Variants in PLEKHM3 observed in about 807,000 individuals in gnomAD.
The protein encoded by PLEKHM3 is pleckstrin homology domain-containing family M member 3.
PLEKHM3 carries 45 observed loss-of-function variants against 81.8 expected under a neutral mutation model. The ratio of observed to expected loss-of-function variants is 0.55; its 90% confidence interval spans 0.43 to 0.71. The LOEUF (loss-of-function observed/expected upper bound fraction) is 0.71, where lower values mean the gene tolerates loss of function less well. Ranked by LOEUF, PLEKHM3 falls within the 30% of genes least tolerant of loss-of-function variation. The probability of loss-of-function intolerance (pLI) is 0.00; values close to 1 mark genes in which losing one functional copy is unlikely to be tolerated. For missense variants in PLEKHM3, 788 were observed against 924.3 expected (o/e 0.85, Z 1.91); for synonymous variants, 352 against 356.4 (o/e 0.99, Z 0.14).
At chr2:207,874,073 CAT>C (rs1292339376) in intron 6 of PLEKHM3, among the ~76,000 whole-genome samples, 2 of 152,206 alleles carry the variant, frequency 1.3e-5, no homozygotes, top group African/African-American at 4.8e-5. Flanking sequence ...TACAATTTCA[CAT>C]GTCCTATATT....
chr2:207,945,200 C>A (rs1304288509), intron 4 of PLEKHM3, among the ~76,000 whole-genome samples: 1 of 152,198 alleles, frequency 6.6e-6, no homozygotes, highest in Non-Finnish European at 1.5e-5. Context: ...TTGTCAGACA[C>A]CCTGGGATCC....
intron 6 of PLEKHM3, among the ~76,000 whole-genome samples, chr2:207,868,282 T>A (rs1200548468): frequency 2.0e-5 from 3 of 152,168 alleles, no homozygotes; most frequent in African/African-American, 7.2e-5. Context: ...TTATTTTTTT[T>A]TTTTAAATCT....
chr2:208,021,368 T>C (rs1477847843), intron 1 of PLEKHM3, among the ~76,000 whole-genome samples: 1 of 152,272 alleles, frequency 6.6e-6, no homozygotes, highest in Non-Finnish European at 1.5e-5. Context: ...CTATTACTTC[T>C]ATATGACATT....
Position 207,977,042 on chromosome 2 carries a change from G to A in PLEKHM3, c.1155C>T (p.Ser385=). The change falls in exon 3 of 8, where the codon AGC becomes AGT. Residue 385 remains serine, a synonymous_variant. Transcript: ENST00000427836. The stretch of plus-strand genomic sequence containing the variant: ...GCTGAAAAGCCATAAGGTAAGCCCT[G>A]CTCAGCACAAATGTAAATGCCTTCC... The part of the protein sequence containing the change: ...NNWKAFTFVL[S]RAYLMAFQPG... 2.5e-6 allele frequency: 4 copies of A among 1,614,236 alleles called. No homozygotes were observed. The highest frequency in any genetic ancestry group is 3.4e-6 in the Non-Finnish European group (4 of 1,180,052).
chr2:207,847,318 G>A (rs981420346), intron 7 of PLEKHM3, among the ~76,000 whole-genome samples: 4 of 152,226 alleles, frequency 2.6e-5, no homozygotes, highest in African/African-American at 9.6e-5. Flanking sequence ...AAGCCACCAG[G>A]CCAAGGTGAA....
chr2:208,023,212 T>C (rs530991964), intron 1 of PLEKHM3, among the ~76,000 whole-genome samples: 4 of 151,910 alleles, frequency 2.6e-5, no homozygotes, highest in Non-Finnish European at 4.4e-5. Flanking sequence ...GGCGTAATCA[T>C]ACCTCACTTA....
chr2:207,910,196 C>CAG (rs1212453624), intron 5 of PLEKHM3, among the ~76,000 whole-genome samples: 1 of 152,170 alleles, frequency 6.6e-6, no homozygotes, highest in Non-Finnish European at 1.5e-5. Flanking sequence ...CGACAGGAAG[C>CAG]AGAGCACAGG....
chr2:207,862,495 G>A (rs373710847), intron 6 of PLEKHM3, among the ~76,000 whole-genome samples: 21 of 152,090 alleles, frequency 1.4e-4, no homozygotes, highest in Middle Eastern at 3.4e-3. Flanking sequence ...AAAATTAGCC[G>A]GGCGTGGTGG....
chr2:207,853,254 C>T (rs1489831944), intron 7 of PLEKHM3, among the ~76,000 whole-genome samples: 2 of 151,850 alleles, frequency 1.3e-5, no homozygotes, highest in African/African-American at 4.8e-5. Context: ...CCCGTCTCTA[C>T]TAAAAATACA....
At chr2:207,865,656 T>G (rs2092491603) in intron 6 of PLEKHM3, among the ~76,000 whole-genome samples, 1 of 150,300 alleles carries the variant, frequency 6.7e-6, no homozygotes, top group Non-Finnish European at 1.5e-5. Flanking sequence ...GGTGTATGCC[T>G]GTAATCGCAG....
intron 5 of PLEKHM3, among the ~76,000 whole-genome samples, chr2:207,918,491 C>T (rs1286979426): frequency 6.6e-6 from 1 of 152,100 alleles, no homozygotes. Context: ...CACTGTGCTG[C>T]AGCCTGGGTG....
rs923097961 is a variant in PLEKHM3 at position 207,822,092 on chromosome 2, ACATGCCAC to A, written c.*6219_*6226del. The A allele has an allele frequency of 8.5e-5, 13 of 152,280 alleles. No individual in the cohort carries two copies. Among genetic ancestry groups the A allele is most frequent in the African/African-American group, 3.1e-4 (13 of 41,442 alleles). 9.4% of individuals were successfully genotyped at this position (152,280 alleles called of 1,614,324 possible). On this transcript the variant is annotated 3_prime_UTR_variant, in exon 8 of 8. Coordinates refer to ENST00000427836, the MANE Select transcript of PLEKHM3 (RefSeq NM_001080475.3). ...CTCCCAAATAGCTGGGACTGTAGGC[ACATGCCAC>A]CATGCCCAGCGTAACAGTAAGATTC...
intron 4 of PLEKHM3, among the ~76,000 whole-genome samples, chr2:207,942,476 C>T (rs576126135): frequency 1.3e-5 from 2 of 152,328 alleles, no homozygotes; most frequent in South Asian, 4.1e-4. Flanking sequence ...CGTGCTACTG[C>T]ACTCCACACC....
intron 3 of PLEKHM3, among the ~76,000 whole-genome samples, chr2:207,953,047 T>C (rs913404054): frequency 1.3e-5 from 2 of 152,206 alleles, no homozygotes; most frequent in African/African-American, 4.8e-5. Context: ...CCATTAAGTA[T>C]ACGTTCTGTC....
chr2:207,945,194 C>A (rs1217857081), intron 4 of PLEKHM3, among the ~76,000 whole-genome samples: 2 of 152,192 alleles, frequency 1.3e-5, no homozygotes, highest in African/African-American at 2.4e-5. Context: ...CGTGGCTTGT[C>A]AGACACCCTG....
intron 5 of PLEKHM3, among the ~76,000 whole-genome samples, chr2:207,924,736 GC>G (rs780195404): frequency 5.3e-5 from 8 of 152,080 alleles, no homozygotes; most frequent in Non-Finnish European, 1.0e-4. Flanking sequence ...AAAACCAAGT[GC>G]CCTGAGAAAG....
At chr2:207,918,151 A>G (rs566617571) in intron 5 of PLEKHM3, among the ~76,000 whole-genome samples, 15 of 152,306 alleles carry the variant, frequency 9.8e-5, no homozygotes, top group African/African-American at 3.6e-4. Flanking sequence ...CACTCATTTC[A>G]TTATGTTTAG....
intron 5 of PLEKHM3, among the ~76,000 whole-genome samples, chr2:207,923,452 A>G (rs925995997): frequency 1.4e-4 from 21 of 152,164 alleles, no homozygotes; most frequent in African/African-American, 4.8e-4. Flanking sequence ...TACAAAAAAC[A>G]CAAAATTAGC....
At chr2:207,971,905 G>GA (rs1691134278) in intron 3 of PLEKHM3, among the ~76,000 whole-genome samples, 1 of 152,170 alleles carries the variant, frequency 6.6e-6, no homozygotes, top group Non-Finnish European at 1.5e-5. Context: ...AATGTAATCT[G>GA]AACTGTCTTT....
Sources: gnomAD v4.1 joint callset for allele counts (sites outside exome capture counted in the v4.1 genomes callset) on GRCh38, gnomAD v4.1.1 for gene constraint, MANE v1.5 for transcripts, NCBI Gene and HGNC (gene_info 2026-07-23, HGNC 2026-07-21) for gene names.